VWF: variants seen among roughly 807,000 people sequenced by gnomAD.
VWF encodes Factor VIII related antigen.
In VWF, 176 loss-of-function variants were observed where a neutral mutation model predicts 308.6. The observed-to-expected ratio is 0.57, with a 90% CI of 0.50 to 0.65. The LOEUF is 0.65. Among genes scored for constraint, VWF ranks in the 30% least tolerant of loss-of-function variants. VWF has a pLI of 0.00. For synonymous variants in VWF, 1,385 were observed against 1,443.4 expected, an observed-to-expected ratio of 0.96 and a Z score of 0.92; for missense variants, 3,146 against 3,648.2, an observed-to-expected ratio of 0.86 and a Z score of 3.55.
At chr12:5,983,303 C>G (rs908202730) in intron 40 of VWF, 49 bp from the exon 41 acceptor site, 1 of 1,564,654 alleles carries the variant, frequency 6.4e-7, no homozygotes, top group East Asian at 2.3e-5. Context: ...AAAGGTTACT[C>G]TTTTATTACC....
rs1322770774 is a variant in VWF, at chr12:6,019,361, G to A, written c.4057C>T (p.Gln1353Ter). ...AAGACCTCGCTGGTGGAGGCCACCT[G>A]GCTGCCCGCATACTTCACCTGGCTG... ...IASQVKYAGS[Q>*]VASTSEVLKY... Residue 1353 changes from glutamine to a stop codon, truncating the protein, a stop_gained, in exon 28 of 52, where the codon CAG becomes TAG. Coordinates refer to ENST00000261405, the MANE Select transcript of VWF (RefSeq NM_000552.5). LOFTEE classifies it high-confidence loss of function. This position sits in a 1 kb window ranked among gnomAD's most constrained non-coding sequence, Gnocchi z 5.8. The A allele has an allele frequency of 1.9e-6, 3 of 1,613,930 alleles. No individual in the cohort carries two copies. Among genetic ancestry groups the A allele is most frequent in the Non-Finnish European group, 2.5e-6 (3 of 1,179,860 alleles).
intron 3 of VWF, among the ~76,000 whole-genome samples, chr12:6,116,860 G>A (rs939865589): frequency 2.3e-4 from 35 of 152,198 alleles, no homozygotes; most frequent in Admixed American, 1.3e-4. Context: ...GTGGATGTGC[G>A]ATTTACGGTC....
chr12:5,969,429 G>A (rs1341572437), intron 44 of VWF, 38 bp from the exon 45 acceptor site: 3 of 1,613,008 alleles, frequency 1.9e-6, no homozygotes, highest in Non-Finnish European at 2.5e-6. Context: ...AGCTGGGGCA[G>A]GGCTGGAGCC....
At chr12:6,096,201 G>A (rs1380413424) in intron 5 of VWF, among the ~76,000 whole-genome samples, 1 of 151,986 alleles carries the variant, frequency 6.6e-6, no homozygotes, top group East Asian at 1.9e-4. Context: ...AGATGATGAG[G>A]AAATGCCCTT....
chr12:5,987,705 C>A (rs1024099877), intron 38 of VWF, among the ~76,000 whole-genome samples: 11 of 152,316 alleles, frequency 7.2e-5, no homozygotes, highest in Non-Finnish European at 1.3e-4. Context: ...TGGATGAATC[C>A]CAAAAGCGTT....
chr12:5,971,654 G>T lies in VWF; in HGVS notation c.7493C>A (p.Ala2498Asp), dbSNP rs369669154. The change falls in exon 44 of 52, where the codon GCC becomes GAC. Residue 2498 changes from alanine (A) to aspartate (D), a missense_variant. Physicochemically the swap from Ala to Asp is moderately radical, Grantham distance 126. Transcript: ENST00000261405. Reference sequence around the variant, plus strand: ...CGGTGAGCCAGTCACCACCTCACAGGCAGATGGCAGGCACCTTCCACAGCA... The same window carrying T: ...CGGTGAGCCAGTCACCACCTCACAGTCAGATGGCAGGCACCTTCCACAGCA... ...GECCGRCLPS[A>D]CEVVTGSPRG... The T allele has an allele frequency of 3.4e-5, 55 of 1,614,194 alleles. No individual in the cohort carries two copies. In the Middle Eastern group the frequency reaches 8.2e-4, roughly 24 times the overall value.
At chr12:6,043,192 A>T (rs1383698707) in intron 18 of VWF, among the ~76,000 whole-genome samples, 1 of 152,238 alleles carries the variant, frequency 6.6e-6, no homozygotes, top group Admixed American at 6.5e-5. Context: ...GAGAGAATTA[A>T]CAAGAGTTGG....
rs746364619 is a variant in VWF, at chr12:5,964,219, A to AATACATACATAC, written c.7887+3255_7887+3266dup. ...GCGACAGAGAGAGACTCTGTCTAAAAATACATACATACATACATACATACA... is the reference window on the plus strand; with the variant it reads ...GCGACAGAGAGAGACTCTGTCTAAAAATACATACATACATACATACATACATACATACATACA... On this transcript the variant is annotated intron_variant, in intron 47 of 51. Transcript: ENST00000261405. 1.7e-3 allele frequency among the ~76,000 whole-genome samples: 204 copies of AATACATACATAC among 118,218 alleles called. 1 individual carries two copies. Among genetic ancestry groups the AATACATACATAC allele is most frequent in the African/African-American group, 7.2e-3 (193 of 26,736 alleles). The allele number at this position is 118,218 out of a possible 152,430, so 77.6% of individuals were successfully genotyped here.
rs1025600246 is a variant in VWF, at chr12:6,075,822, C to A, written c.658-271G>T. On this transcript the variant is annotated intron_variant, in intron 6 of 51. Coordinates refer to ENST00000261405, the MANE Select transcript of VWF (RefSeq NM_000552.5). The surrounding 1 kb of genome is among the most constrained non-coding windows in gnomAD (Gnocchi z 4.7). ...CAAGGCCCTGGATTGCCATGGTGGG[C>A]AGTGTCCTAGGAACGGACAGAGGAT... 6.6e-6 allele frequency among the ~76,000 whole-genome samples: 1 copy of A among 152,196 alleles called. No homozygotes were observed. The highest frequency in any genetic ancestry group is 1.5e-5 in the Non-Finnish European group (1 of 68,036).
chr12:6,087,781 A>C (rs186500567), intron 6 of VWF, among the ~76,000 whole-genome samples: 1 of 152,240 alleles, frequency 6.6e-6, no homozygotes, highest in Admixed American at 6.5e-5. Context: ...ATTCTCAACC[A>C]ACTCTGAGTT....
In VWF at chr12:6,075,247, G is replaced by C; in HGVS notation, c.874+88C>G. The C allele has an allele frequency of 6.5e-7, 1 of 1,539,486 alleles. No individual in the cohort carries two copies. Among genetic ancestry groups the C allele is most frequent in the Non-Finnish European group, 8.9e-7 (1 of 1,121,358 alleles). On this transcript the variant is annotated intron_variant, in intron 7 of 51. Transcript: ENST00000261405. The surrounding 1 kb of genome is among the most constrained non-coding windows in gnomAD (Gnocchi z 4.7). Reference sequence around the variant, plus strand: ...GGGTGTGGTAAAGCCGCACATACGTGACACAGCCCCGAAGCACCCTAAGGG... The same window carrying C: ...GGGTGTGGTAAAGCCGCACATACGTCACACAGCCCCGAAGCACCCTAAGGG...
chr12:6,110,614 C>T, intron 4 of VWF, 32 bp from the exon 5 acceptor site: 2 of 1,607,670 alleles, frequency 1.2e-6, no homozygotes, highest in Non-Finnish European at 1.7e-6. Flanking sequence ...CAGAAGTGGG[C>T]TTCTTGTGCA....
chr12:6,107,528 C>T (rs991155157), intron 5 of VWF, among the ~76,000 whole-genome samples: 1 of 152,124 alleles, frequency 6.6e-6, no homozygotes, highest in Non-Finnish European at 1.5e-5. Flanking sequence ...GAAAAAGATA[C>T]ATCAAACAAA....
At chr12:6,077,550 C>A (rs1323812786) in intron 6 of VWF, among the ~76,000 whole-genome samples, 1 of 152,188 alleles carries the variant, frequency 6.6e-6, no homozygotes, top group African/African-American at 2.4e-5. Context: ...CACTTACTGG[C>A]GGTGGGGACT....
intron 28 of VWF, among the ~76,000 whole-genome samples, chr12:6,018,015 G>A (rs1944081707): frequency 6.6e-6 from 1 of 151,800 alleles, no homozygotes; most frequent in African/African-American, 2.4e-5. Flanking sequence ...AAGGCAGAGG[G>A]TGGAATTGGG....
In VWF at chr12:6,075,684, CATGT is replaced by C. The variant is rs1944834899; in HGVS notation, c.658-137_658-134del. ...GGGACAGGCTGGCACCAAGCACATGCATGTGTTCAATGCACCAGCCCATCGACCA... is the reference window on the plus strand; with the variant it reads ...GGGACAGGCTGGCACCAAGCACATGCGTTCAATGCACCAGCCCATCGACCA... On this transcript the variant is annotated intron_variant, in intron 6 of 51. Transcript: ENST00000261405. The surrounding 1 kb of genome is among the most constrained non-coding windows in gnomAD (Gnocchi z 4.7). 2 of 940,090 alleles carry C rather than the reference CATGT, an allele frequency of 2.1e-6. No homozygotes were observed. Among genetic ancestry groups the C allele is most frequent in the Non-Finnish European group, 3.4e-6 (2 of 596,490 alleles). 58.2% of individuals were successfully genotyped at this position (940,090 alleles called of 1,614,324 possible). A position where few individuals can be genotyped will look rare whatever the true frequency, so the allele number is the denominator to read the frequency against.
In VWF at chr12:6,065,118, C is replaced by A; in HGVS notation, c.1293+19G>T. On this transcript the variant is annotated intron_variant, in intron 11 of 51. Transcript: ENST00000261405. Reference sequence around the variant, plus strand: ...CCTTGGGCTACCACCCGACCAGCAGCCGGGCTGGCAAAGCTCACCTGGACA... The same window carrying A: ...CCTTGGGCTACCACCCGACCAGCAGACGGGCTGGCAAAGCTCACCTGGACA... The A allele has an allele frequency of 6.2e-7, 1 of 1,614,108 alleles. No individual in the cohort carries two copies. The highest frequency in any genetic ancestry group is 1.1e-5 in the South Asian group (1 of 91,076).
intron 8 of VWF, 121 bp from the exon 9 acceptor site, chr12:6,072,563 T>C (rs141115337): frequency 6.1e-4 from 493 of 804,148 alleles, no homozygotes; most frequent in African/African-American, 5.4e-3. Context: ...GAACTTGTTC[T>C]GTGGTGTTTA....
chr12:6,013,388 C>T, intron 32 of VWF, 93 bp downstream of exon 32: 1 of 1,509,932 alleles, frequency 6.6e-7, no homozygotes. Flanking sequence ...GCATGGGCAC[C>T]CTGGGGTCTC....
Sources: allele counts gnomAD v4.1 joint callset (sites outside exome capture counted in the v4.1 genomes callset), GRCh38; gene constraint gnomAD v4.1.1; non-coding constraint Gnocchi (gnomAD v3.1); transcripts MANE v1.5; gene names NCBI Gene and HGNC (gene_info 2026-07-23, HGNC 2026-07-21).